KCND2: variants seen among roughly 807,000 people sequenced by gnomAD.
KCND2 encodes potassium voltage-gated channel subfamily D member 2, also known as A-type voltage-gated potassium channel KCND2.
KCND2 carries 16 observed loss-of-function variants against 54.4 expected under a neutral mutation model. That is an observed-to-expected ratio of 0.29 (90% CI 0.20 to 0.45). The LOEUF (loss-of-function observed/expected upper bound fraction) is 0.45, where lower values mean the gene tolerates loss of function less well. Ranked by LOEUF, KCND2 falls within the 20% of genes least tolerant of loss-of-function variation. The probability of loss-of-function intolerance (pLI) is 1.00; values close to 1 mark genes in which losing one functional copy is unlikely to be tolerated. For synonymous variants in KCND2, 317 were observed against 310.7 expected, an observed-to-expected ratio of 1.02 and a Z score of -0.21; for missense variants, 486 against 824.2, an observed-to-expected ratio of 0.59 and a Z score of 5.02.
intron 1 of KCND2, among the ~76,000 whole-genome samples, chr7:120,364,091 C>T (rs1800634167): frequency 6.6e-6 from 1 of 152,130 alleles, no homozygotes; most frequent in Non-Finnish European, 1.5e-5. Flanking sequence ...ATAAGAGATA[C>T]TCAGTAAATA....
chr7:120,399,627 T>C (rs903578874), intron 1 of KCND2, among the ~76,000 whole-genome samples: 1 of 151,564 alleles, frequency 6.6e-6, no homozygotes, highest in East Asian at 1.9e-4. Flanking sequence ...TTGTTTTTTA[T>C]AATGTTATTC....
chr7:120,589,337 A>T (rs1011285302), intron 1 of KCND2, among the ~76,000 whole-genome samples: 1 of 152,222 alleles, frequency 6.6e-6, no homozygotes, highest in South Asian at 2.1e-4. Flanking sequence ...TAGGCCTAAA[A>T]TTTAATTTTT....
intron 1 of KCND2, among the ~76,000 whole-genome samples, chr7:120,705,183 G>T (rs969967710): frequency 2.6e-5 from 4 of 152,116 alleles, no homozygotes; most frequent in African/African-American, 9.7e-5. Context: ...AGACCCAAGT[G>T]CTTAACTCTG....
intron 1 of KCND2, among the ~76,000 whole-genome samples, chr7:120,712,189 T>G (rs1007663984): frequency 1.7e-4 from 25 of 149,292 alleles, no homozygotes; most frequent in African/African-American, 4.2e-4. Context: ...AGAGTCTATT[T>G]AATTCATAAA....
At chr7:120,742,322 T>C in intron 3 of KCND2, 188 bp from the exon 4 acceptor site, 1 of 598,106 alleles carries the variant, frequency 1.7e-6, no homozygotes, top group Non-Finnish European at 3.0e-6. Flanking sequence ...GACCAGACCA[T>C]TCATTTGATG....
chr7:120,566,261 A>G (rs773809910), intron 1 of KCND2, among the ~76,000 whole-genome samples: 1 of 152,248 alleles, frequency 6.6e-6, no homozygotes, highest in Non-Finnish European at 1.5e-5. Flanking sequence ...AAATTGCTTT[A>G]GGTAAAACAG....
At chr7:120,386,537 C>T (rs1303338719) in intron 1 of KCND2, among the ~76,000 whole-genome samples, 1 of 152,118 alleles carries the variant, frequency 6.6e-6, no homozygotes, top group East Asian at 1.9e-4. Context: ...TTCTTTGGTA[C>T]TCAATTAGCA....
chr7:120,310,632 T>C (rs1799723682), intron 1 of KCND2, among the ~76,000 whole-genome samples: 1 of 152,126 alleles, frequency 6.6e-6, no homozygotes, highest in Admixed American at 6.6e-5. Flanking sequence ...TAGAAAGCTA[T>C]ATAGACTGGT....
intron 1 of KCND2, among the ~76,000 whole-genome samples, chr7:120,596,792 A>G (rs546987562): frequency 7.0e-4 from 106 of 152,330 alleles, no homozygotes; most frequent in Admixed American, 2.2e-3. Context: ...GTCCACCCCA[A>G]TGAAGTTCAT....
At chr7:120,732,567 A>T (rs1792821021) in intron 1 of KCND2, among the ~76,000 whole-genome samples, 1 of 152,202 alleles carries the variant, frequency 6.6e-6, no homozygotes, top group Non-Finnish European at 1.5e-5. Context: ...ATTTCAGCAT[A>T]GAATTATTGA....
intron 1 of KCND2, among the ~76,000 whole-genome samples, chr7:120,650,836 C>T (rs1258195793): frequency 7.0e-6 from 1 of 143,840 alleles, no homozygotes; most frequent in Non-Finnish European, 1.5e-5. Flanking sequence ...TTCTAACAGT[C>T]AGGACCCTCA....
intron 1 of KCND2, among the ~76,000 whole-genome samples, chr7:120,609,649 A>T (rs1409693127): frequency 2.0e-5 from 3 of 152,192 alleles, no homozygotes; most frequent in Non-Finnish European, 4.4e-5. Flanking sequence ...GTTTGCAGTG[A>T]TAGAACTTAA....
At chr7:120,365,168 G>C (rs1212412949) in intron 1 of KCND2, among the ~76,000 whole-genome samples, 1 of 145,980 alleles carries the variant, frequency 6.9e-6, no homozygotes, top group Non-Finnish European at 1.5e-5. Flanking sequence ...GAGGGTGGGA[G>C]GGAGCAAAGA....
chr7:120,406,272 C>G (rs1027771073), intron 1 of KCND2, among the ~76,000 whole-genome samples: 2 of 151,958 alleles, frequency 1.3e-5, no homozygotes, highest in Non-Finnish European at 2.9e-5. Flanking sequence ...AAAATACACA[C>G]TTTTCTTCTA....
intron 1 of KCND2, among the ~76,000 whole-genome samples, chr7:120,461,427 G>A (rs1313850901): frequency 6.6e-6 from 1 of 152,148 alleles, no homozygotes; most frequent in Non-Finnish European, 1.5e-5. Context: ...TGGTATTTCA[G>A]ATATTTTTCC....
At chr7:120,587,475 G>A (rs949174395) in intron 1 of KCND2, among the ~76,000 whole-genome samples, 1 of 152,086 alleles carries the variant, frequency 6.6e-6, no homozygotes, top group South Asian at 2.1e-4. Context: ...AGTCAGAATG[G>A]TTTATTCATG....
intron 1 of KCND2, among the ~76,000 whole-genome samples, chr7:120,599,722 C>G (rs1203049636): frequency 6.6e-6 from 1 of 151,782 alleles, no homozygotes; most frequent in Non-Finnish European, 1.5e-5. Flanking sequence ...TGACATTTTT[C>G]TATGTAGAAA....
chr7:120,528,214 A>C (rs1348081473), intron 1 of KCND2, among the ~76,000 whole-genome samples: 1 of 152,174 alleles, frequency 6.6e-6, no homozygotes, highest in Non-Finnish European at 1.5e-5. Flanking sequence ...GCTTCTTTAT[A>C]AACGACAGCA....
In KCND2 at chr7:120,502,010, G is replaced by A. The variant is rs554940160; in HGVS notation, c.1115+226263G>A. On this transcript the variant is annotated intron_variant, in intron 1 of 5. Transcript: ENST00000331113. ...ATACAGTGTTTTTAACAAGTTCTTT[G>A]AGTCATCTGGACAATGAGATGTAAT... Among the ~76,000 whole-genome samples, 49 of 152,118 alleles carry A rather than the reference G, an allele frequency of 3.2e-4. No individual in the cohort carries two copies. In the East Asian group the frequency reaches 9.1e-3, roughly 28 times the overall value.
Sources: gnomAD v4.1 joint callset for allele counts (sites outside exome capture counted in the v4.1 genomes callset) on GRCh38, gnomAD v4.1.1 for gene constraint, MANE v1.5 for transcripts, NCBI Gene and HGNC (gene_info 2026-07-23, HGNC 2026-07-21) for gene names.